The following REEP4 variants were observed in gnomAD, a reference collection of about 807,000 sequenced individuals.
REEP4 encodes the protein receptor accessory protein 4, also known as receptor expression-enhancing protein 4.
REEP4 carries 17 observed loss-of-function variants against 33.5 expected under a neutral mutation model. The ratio of observed to expected loss-of-function variants is 0.51; its 90% CI spans 0.35 to 0.76. The LOEUF (loss-of-function observed/expected upper bound fraction) is 0.76, where lower values mean the gene tolerates loss of function less well. Ranked by LOEUF, REEP4 falls within the 30% of genes least tolerant of loss-of-function variation. The pLI is 0.01. For missense variants in REEP4, 340 were observed against 357.9 expected, an observed-to-expected ratio of 0.95 and a Z score of 0.40; for synonymous variants, 157 against 142.9, an observed-to-expected ratio of 1.10 and a Z score of -0.70.
intron 5 of REEP4, 161 bp downstream of exon 5, chr8:22,139,255 G>T (rs1469104023): frequency 2.1e-6 from 2 of 946,546 alleles, no homozygotes; most frequent in African/African-American, 3.3e-5. Context: ...CAGGAAGGAA[G>T]GTCTGACTCC....
At position 22,138,407 on chromosome 8, in the gene REEP4, G is replaced by C. The variant is rs1053265674; in HGVS notation, c.*80C>G. The C allele has an allele frequency of 2.0e-6, 3 of 1,530,822 alleles. No individual in the cohort carries two copies. Among genetic ancestry groups the C allele is most frequent in the Middle Eastern group, 3.3e-4 (2 of 5,972 alleles). 94.8% of individuals were successfully genotyped at this position (1,530,822 alleles called of 1,614,324 possible). Reference sequence around the variant, plus strand: ...CCAGGCAGCTGGTGCAGGCAGGCCAGATGTGCAGCCCAAGGTCCCTCCAAA... The same window carrying C: ...CCAGGCAGCTGGTGCAGGCAGGCCACATGTGCAGCCCAAGGTCCCTCCAAA... On this transcript the variant is annotated 3_prime_UTR_variant, in exon 8 of 8. Transcript: ENST00000306306.
At chr8:22,140,590 A>T (rs1358527537) in intron 2 of REEP4, 35 bp downstream of exon 2, 10 of 1,589,278 alleles carry the variant, frequency 6.3e-6, no homozygotes, top group Non-Finnish European at 8.6e-6. Context: ...CACCTCACCA[A>T]GTCCTATTAA....
Position 22,138,462 on chromosome 8 carries a change from A to G in REEP4, c.*25T>C, listed in dbSNP as rs1251289320. On this transcript the variant is annotated 3_prime_UTR_variant, in exon 8 of 8. Transcript: ENST00000306306. ...CCTGGAGCCCTGCAGGGCACGAGGT[A>G]AGAAGGGGGCAGATGCAGCAGACCC... The G allele has an allele frequency of 1.2e-6, 2 of 1,612,132 alleles. No homozygotes were observed. The highest frequency in any genetic ancestry group is 1.1e-5 in the South Asian group (1 of 91,082).
In REEP4 at chr8:22,138,445, C is replaced by T; in HGVS notation, c.*42G>A. ...AGGTCCCTCCAAATAGCCCTGGAGC[C>T]CTGCAGGGCACGAGGTAAGAAGGGG... On this transcript the variant is annotated 3_prime_UTR_variant, in exon 8 of 8. Coordinates refer to ENST00000306306, the MANE Select transcript of REEP4 (RefSeq NM_025232.4). The T allele has an allele frequency of 2.5e-6, 4 of 1,607,590 alleles. No individual in the cohort carries two copies. The highest frequency in any genetic ancestry group is 2.2e-5 in the South Asian group (2 of 91,034).
In REEP4 at chr8:22,139,042, C is replaced by T. The variant is rs766790075; in HGVS notation, c.437G>A (p.Gly146Asp). 5.7e-6 allele frequency: 9 copies of T among 1,574,372 alleles called. No individual in the cohort carries two copies. Among genetic ancestry groups the T allele is most frequent in the Non-Finnish European group, 7.7e-6 (9 of 1,162,060 alleles). ...AATKSQGALA[G>D]RLRSFSMQDL... is the part of the protein sequence containing the mutation. ...CTGCATGGAGAAGCTCCGCAGCCTG[C>T]CGGCCAGCGCCCCCTGACTCTGCGA... The change falls in exon 6 of 8, where the codon GGC (glycine) becomes GAC (aspartate). Residue 146 changes from glycine to aspartate, a missense_variant. By Grantham distance (94) the Gly-to-Asp change is moderately conservative. Coordinates refer to ENST00000306306, the MANE Select transcript of REEP4 (RefSeq NM_025232.4).
chr8:22,139,257 T>A (rs757916187), intron 5 of REEP4, 159 bp downstream of exon 5: 2 of 945,252 alleles, frequency 2.1e-6, no homozygotes, highest in African/African-American at 3.3e-5. Context: ...GGAAGGAAGG[T>A]CTGACTCCAG....
At chr8:22,139,364 A>G in intron 5 of REEP4, 52 bp downstream of exon 5, 2 of 1,460,824 alleles carry the variant, frequency 1.4e-6, no homozygotes, top group Non-Finnish European at 9.5e-7. Context: ...ATGAGCCCAA[A>G]GGGCCTTAGG....
rs200611030 is a variant in REEP4, at chr8:22,140,164, G to A, written c.182+8C>T. ...CTGACCCATGGCTTGCGGACCCTGC[G>A]TCCATACCAGGAGATAAAAATGTCT... On this transcript the variant is annotated splice_region_variant and intron_variant, in intron 3 of 7. Transcript: ENST00000306306. 3,725 of 1,614,046 alleles carry A rather than the reference G, an allele frequency of 2.3e-3. 17 individuals are homozygous for A. Among genetic ancestry groups the A allele is most frequent in the Non-Finnish European group, 1.9e-3 (2,209 of 1,180,016 alleles).
rs768087217 is a variant in REEP4, at chr8:22,138,707, G to A, written c.640C>T (p.Pro214Ser). 1 of 1,613,004 alleles carries A rather than the reference G, an allele frequency of 6.2e-7. No individual in the cohort carries two copies. Among genetic ancestry groups the A allele is most frequent in the African/African-American group, 1.3e-5 (1 of 74,974 alleles). Residue 214 changes from proline to serine, a missense_variant, in exon 7 of 8, where the codon CCC becomes TCC. Physicochemically the swap from Pro to Ser is moderately conservative, Grantham distance 74. Transcript: ENST00000306306. ...CTGCGGATTAGGGGCTTCTCTCGGGGCCGGGCTGGCGCCCGGGGGACTGCC... is the reference window on the plus strand; with the variant it reads ...CTGCGGATTAGGGGCTTCTCTCGGGACCGGGCTGGCGCCCGGGGGACTGCC... The part of the protein sequence containing the change: ...TEAVPRAPAR[P>S]REKPLIRSQS...
chr8:22,138,867 GGT>G, intron 6 of REEP4, 57 bp downstream of exon 6: 1 of 1,551,210 alleles, frequency 6.4e-7, no homozygotes, highest in East Asian at 2.3e-5. Flanking sequence ...GGGAAGCCAT[GGT>G]GTGAGTGAAG....
Position 22,140,632 on chromosome 8 carries a change from C to T in REEP4, c.98G>A (p.Arg33His), listed in dbSNP as rs1827214541. The T allele has an allele frequency of 1.2e-5, 20 of 1,613,608 alleles. 1 individual carries two copies. The South Asian group carries it at 1.5e-4, about 12-fold the overall frequency. The change falls in exon 2 of 8, where the codon CGT becomes CAT. Residue 33 changes from arginine (R) to histidine (H), a missense_variant. By Grantham distance (29) the Arg-to-His change is conservative. Transcript: ENST00000306306. ...SYKAVKTKNI[R>H]EYVRWMMYWI... ...CCAAACCCCCACGCTCACATATTCA[C>T]GAATGTTCTTGGTCTTCACAGCCTT...
chr8:22,141,732 G>A lies in REEP4; in HGVS notation c.-250C>T, dbSNP rs1827235352. On this transcript the variant is annotated 5_prime_UTR_variant, in exon 1 of 8. Transcript: ENST00000306306. ...GCCGACTTGGGAGCGGGCGCGCCCC[G>A]CGGCCGGGGCAGTTACAGCTCCCAC... 3 of 419,666 alleles carry A rather than the reference G, an allele frequency of 7.1e-6. No homozygotes were observed. Among genetic ancestry groups the A allele is most frequent in the Non-Finnish European group, 1.3e-5 (3 of 237,562 alleles). 26.0% of individuals were successfully genotyped at this position (419,666 alleles called of 1,614,324 possible).
At chr8:22,140,534 C>T (rs1473487177) in intron 2 of REEP4, 91 bp downstream of exon 2, 15 of 1,159,766 alleles carry the variant, frequency 1.3e-5, no homozygotes, top group Non-Finnish European at 1.9e-5. Context: ...GGATGTGCCA[C>T]ACAGCCTTGC....
chr8:22,138,546 A>T lies in REEP4; in HGVS notation c.715T>A (p.Ser239Thr). 1.2e-6 allele frequency: 2 copies of T among 1,613,938 alleles called. No homozygotes were observed. Among genetic ancestry groups the T allele is most frequent in the Non-Finnish European group, 1.7e-6 (2 of 1,180,024 alleles). The part of the protein sequence containing the change: ...KRKPPVREGT[S>T]RSLKVRTRKK... The stretch of plus-strand genomic sequence containing the variant: ...CTCGTCCGAACCTTCAGGGAGCGCG[A>T]GGTGCCCTGGGGAAAGGGGAGGCAC... The change falls in exon 8 of 8, where the codon TCG becomes ACG. Residue 239 changes from serine to threonine, a missense_variant. Coordinates refer to ENST00000306306, the MANE Select transcript of REEP4 (RefSeq NM_025232.4).
chr8:22,138,747 AC>A lies in REEP4; in HGVS notation c.599del (p.Cys200PhefsTer20). ...GGGGGACTGCCTCAGTATCTGACCA[AC>A]ACTCATCCTCGGTGTCGCTGTCCTG... is the stretch of plus-strand genomic sequence containing the variant. ...GLQDSDTEDE[C>X]WSDTEAVPRA... On this transcript the variant is annotated frameshift_variant, in exon 7 of 8. Coordinates refer to ENST00000306306, the MANE Select transcript of REEP4 (RefSeq NM_025232.4). LOFTEE classifies it high-confidence loss of function. The A allele has an allele frequency of 5.6e-6, 9 of 1,611,220 alleles. No homozygotes were observed. The highest frequency in any genetic ancestry group is 7.6e-6 in the Non-Finnish European group (9 of 1,179,286).
At chr8:22,141,261 G>A (rs1364750126) in intron 1 of REEP4, among the ~76,000 whole-genome samples, 190 bp downstream of exon 1, 1 of 152,256 alleles carries the variant, frequency 6.6e-6, no homozygotes, top group Non-Finnish European at 1.5e-5. Flanking sequence ...CAGCCAACGA[G>A]GCTTGGTGGG....
At chr8:22,140,853 C>T (rs1008121558) in intron 1 of REEP4, among the ~76,000 whole-genome samples, 156 bp from the exon 2 acceptor site, 4 of 152,224 alleles carry the variant, frequency 2.6e-5, no homozygotes, top group African/African-American at 9.6e-5. Context: ...GCCCTGGAGG[C>T]CACCTCCCCA....
In REEP4 at chr8:22,138,216, G is replaced by A. The variant is rs1303441262; in HGVS notation, c.*271C>T. On this transcript the variant is annotated 3_prime_UTR_variant, in exon 8 of 8. Coordinates refer to ENST00000306306, the MANE Select transcript of REEP4 (RefSeq NM_025232.4). ...TTCAGGGAGGGTTGCAGGGGTTCAG[G>A]GAGGGCTCTTGTCCCACAACCGGGG... 5 of 633,870 alleles carry A rather than the reference G, an allele frequency of 7.9e-6. No homozygotes were observed. The highest frequency in any genetic ancestry group is 1.4e-5 in the Non-Finnish European group (5 of 349,540). 39.3% of individuals were successfully genotyped at this position (633,870 alleles called of 1,614,324 possible). A position where few individuals can be genotyped will look rare whatever the true frequency, so the allele number is the denominator to read the frequency against.
intron 5 of REEP4, 114 bp from the exon 6 acceptor site, chr8:22,139,175 C>T (rs750897105): frequency 2.5e-5 from 35 of 1,415,408 alleles, no homozygotes; most frequent in East Asian, 2.0e-4. Flanking sequence ...TCTGGCCCCG[C>T]GCCAATGTGG....
Sources: gnomAD v4.1 joint callset for allele counts (sites outside exome capture counted in the v4.1 genomes callset) on GRCh38, gnomAD v4.1.1 for gene constraint, MANE v1.5 for transcripts, NCBI Gene and HGNC (gene_info 2026-07-23, HGNC 2026-07-21) for gene names.